Variants in DMD observed in about 807,000 individuals in gnomAD.
The protein encoded by DMD is dystrophin.
In DMD, 63 loss-of-function variants were observed where a neutral mutation model predicts 330.1. The observed-to-expected ratio is 0.19, with a 90% CI of 0.16 to 0.24. The LOEUF is 0.24. DMD is among the 10% of genes least tolerant of loss of function. The pLI is 1.00. For synonymous variants in DMD, 1,223 were observed against 959.8 expected, an observed-to-expected ratio of 1.27 and a Z score of -5.07; for missense variants, 3,344 against 2,684.1, an observed-to-expected ratio of 1.25 and a Z score of -5.43.
chrX:32,770,906 A>G (rs1325999234), intron 7 of DMD, among the ~76,000 whole-genome samples: 1 of 112,099 alleles, frequency 8.9e-6, no homozygotes, highest in Non-Finnish European at 1.9e-5. Flanking sequence ...TCTACTTAAG[A>G]GAGGATTTAG....
intron 41 of DMD, among the ~76,000 whole-genome samples, chrX:32,313,657 G>A (rs941407830): frequency 2.7e-5 from 3 of 111,483 alleles, no homozygotes; most frequent in African/African-American, 9.8e-5. Context: ...AAACCCCATC[G>A]TCTCAGCCCA....
At chrX:32,373,643 C>A (rs2097889272) in intron 34 of DMD, among the ~76,000 whole-genome samples, 2 of 111,926 alleles carry the variant, frequency 1.8e-5, no homozygotes, top group Admixed American at 9.5e-5. Flanking sequence ...AAACAATTTT[C>A]AGCCCATGGG....
chrX:31,631,414 C>T (rs1357534307), intron 54 of DMD, among the ~76,000 whole-genome samples: 1 of 111,094 alleles, frequency 9.0e-6, no homozygotes, highest in Admixed American at 9.6e-5. Context: ...GTCCCCGAGA[C>T]GGGCTGCACG....
chrX:31,709,728 C>T (rs918229792), intron 52 of DMD, among the ~76,000 whole-genome samples: 1 of 110,357 alleles, frequency 9.1e-6, no homozygotes, highest in Non-Finnish European at 1.9e-5. Context: ...TTTAAGAGTG[C>T]ACATATTTCT....
chrX:33,327,617 A>G (rs947951665), intron 1 of DMD, among the ~76,000 whole-genome samples: 2 of 111,783 alleles, frequency 1.8e-5, no homozygotes, highest in Non-Finnish European at 3.8e-5. Context: ...AAAAAGATAC[A>G]GAAAATGAAT....
intron 64 of DMD, among the ~76,000 whole-genome samples, chrX:31,217,855 C>T (rs2045575002): frequency 8.9e-6 from 1 of 112,064 alleles, no homozygotes; most frequent in South Asian, 3.7e-4. Context: ...TAGATACATA[C>T]ACCTTAATTT....
At chrX:31,839,237 T>G (rs1490333660) in intron 48 of DMD, among the ~76,000 whole-genome samples, 1 of 112,182 alleles carries the variant, frequency 8.9e-6, no homozygotes, top group Admixed American at 9.5e-5. Flanking sequence ...AATCACATTA[T>G]GTGTATATGT....
intron 7 of DMD, among the ~76,000 whole-genome samples, chrX:32,768,445 A>T (rs2073245463): frequency 8.9e-6 from 1 of 112,280 alleles, no homozygotes; most frequent in Non-Finnish European, 1.9e-5. Flanking sequence ...AGACAAGTGT[A>T]TCTGATCTAA....
At chrX:31,870,018 G>A (rs1236594302) in intron 48 of DMD, among the ~76,000 whole-genome samples, 1 of 111,714 alleles carries the variant, frequency 9.0e-6, no homozygotes, top group Non-Finnish European at 1.9e-5. Context: ...ACTACCAAGT[G>A]TCAGAGTTCG....
At chrX:32,803,339 C>T (rs1346302153) in intron 7 of DMD, among the ~76,000 whole-genome samples, 2 of 110,269 alleles carry the variant, frequency 1.8e-5, no homozygotes, top group Non-Finnish European at 3.8e-5. Flanking sequence ...TTTACTGTGT[C>T]TATTTGATTC....
intron 44 of DMD, among the ~76,000 whole-genome samples, chrX:31,979,553 G>A (rs2095461723): frequency 9.0e-6 from 1 of 111,673 alleles, no homozygotes; most frequent in South Asian, 3.7e-4. Flanking sequence ...ATCTCTAAGA[G>A]CATAGCACAT....
intron 57 of DMD, among the ~76,000 whole-genome samples, chrX:31,490,276 A>C (rs746269482): frequency 1.8e-4 from 20 of 112,172 alleles, no homozygotes; most frequent in African/African-American, 6.5e-4. Context: ...AGAATGAATC[A>C]CTCTGGCCGG....
chrX:31,404,821 T>A (rs935660202), intron 60 of DMD, among the ~76,000 whole-genome samples: 15 of 111,903 alleles, frequency 1.3e-4, no homozygotes, highest in Non-Finnish European at 2.6e-4. Context: ...AAAGAATCAA[T>A]GAAAAATATC....
intron 13 of DMD, among the ~76,000 whole-genome samples, chrX:32,577,912 A>T (rs1207590235): frequency 8.9e-6 from 1 of 112,628 alleles, no homozygotes; most frequent in Non-Finnish European, 1.9e-5. Flanking sequence ...TTGTGATGCC[A>T]TATGCACAAG....
At chrX:32,843,266 A>G (rs969642243) in intron 4 of DMD, among the ~76,000 whole-genome samples, 1 of 112,475 alleles carries the variant, frequency 8.9e-6, no homozygotes, top group East Asian at 2.8e-4. Context: ...TTTGAAACAG[A>G]ATATGATATT....
chrX:32,921,872 T>C (rs1356808240), intron 2 of DMD, among the ~76,000 whole-genome samples: 1 of 111,808 alleles, frequency 8.9e-6, no homozygotes, highest in Non-Finnish European at 1.9e-5. Context: ...TCCATCCGTT[T>C]ATCTCTTCAT....
At position 31,875,221 on chromosome X, in the gene DMD, G is replaced by T. The variant is rs759570455; in HGVS notation, c.7065C>A (p.Asn2355Lys). 1.7e-6 allele frequency: 2 copies of T among 1,196,604 alleles called. No individual in the cohort carries two copies. The highest frequency in any genetic ancestry group is 2.3e-6 in the Non-Finnish European group (2 of 886,605). Residue 2355 changes from asparagine to lysine, a missense_variant, in exon 48 of 79, where the codon AAC becomes AAA. Asn to Lys is a moderately conservative substitution (Grantham distance 94). Transcript: ENST00000357033. Reference protein sequence around the residue: ...SPIRNQLEIYNQPNQEGPFDV... With the variant: ...SPIRNQLEIYKQPNQEGPFDV... Reference sequence around the variant, plus strand: ...CAAATGGTCCTTCTTGGTTTGGTTGGTTATAAATTTCCAACTGATTCCTAA... The same window carrying T: ...CAAATGGTCCTTCTTGGTTTGGTTGTTTATAAATTTCCAACTGATTCCTAA...
At chrX:31,695,711 T>C (rs1228771489) in intron 52 of DMD, among the ~76,000 whole-genome samples, 1 of 110,943 alleles carries the variant, frequency 9.0e-6, no homozygotes, top group Non-Finnish European at 1.9e-5. Context: ...GTATGTGCAG[T>C]TTAAAAAAAG....
At chrX:31,211,671 C>G (rs1444320879) in intron 64 of DMD, among the ~76,000 whole-genome samples, 1 of 112,005 alleles carries the variant, frequency 8.9e-6, no homozygotes, top group Non-Finnish European at 1.9e-5. Flanking sequence ...ATGGGTAACA[C>G]ATAGAACAGC....
Sources: allele counts gnomAD v4.1 joint callset (sites outside exome capture counted in the v4.1 genomes callset), GRCh38; gene constraint gnomAD v4.1.1; transcripts MANE v1.5; gene names NCBI Gene and HGNC (gene_info 2026-07-23, HGNC 2026-07-21).